The following ZFHX3 variants were observed in gnomAD, a reference collection of about 807,000 sequenced individuals.
The protein encoded by ZFHX3 is zinc finger homeobox protein 3.
In ZFHX3, 42 loss-of-function variants were observed where a neutral mutation model predicts 279.1. The observed-to-expected ratio is 0.15, with a 90% CI of 0.12 to 0.19. The LOEUF is 0.19. Ranked by LOEUF, ZFHX3 falls within the 10% of genes least tolerant of loss-of-function variation. The pLI is 1.00. For synonymous variants in ZFHX3, 2,293 were observed against 1,957.8 expected, an observed-to-expected ratio of 1.17 and a Z score of -4.52; for missense variants, 4,981 against 4,754.0, an observed-to-expected ratio of 1.05 and a Z score of -1.40.
rs111356459 is a variant in ZFHX3 at position 72,968,866 on chromosome 16, G to A, written c.-49-8672C>T. Among the ~76,000 whole-genome samples the A allele has an allele frequency of 3.0e-3, 459 of 152,176 alleles. 5 individuals carry two copies. Among genetic ancestry groups the A allele is most frequent in the African/African-American group, 8.0e-3 (331 of 41,500 alleles). ...TAGAGGTGAAGGGGCACAATGCCTC[G>A]ATTTTCAAATGGGTTAGGAAAAAAT... On this transcript the variant is annotated intron_variant, in intron 1 of 9. Coordinates refer to ENST00000268489, the MANE Select transcript of ZFHX3 (RefSeq NM_006885.4).
At chr16:72,789,377 A>G (rs1205960691) in intron 9 of ZFHX3, 1 of 152,626 alleles carries the variant, frequency 6.6e-6, no homozygotes, top group Non-Finnish European at 1.5e-5. Context: ...GCCCAACTGC[A>G]ATTAGTCTAG....
intron 3 of ZFHX3, among the ~76,000 whole-genome samples, chr16:72,920,192 T>C (rs1482123601): frequency 6.6e-6 from 1 of 151,914 alleles, no homozygotes; most frequent in Non-Finnish European, 1.5e-5. Context: ...TAAAAAAAAA[T>C]AACCAAAATA....
rs907917146 is a variant in ZFHX3 at position 73,847,170 on chromosome 16, G to A, written c.-1608+44481C>T. Among the ~76,000 whole-genome samples, 10 of 152,122 alleles carry A rather than the reference G, an allele frequency of 6.6e-5. 1 individual carries two copies. The highest frequency in any genetic ancestry group is 1.9e-4 in the East Asian group (1 of 5,172). ...TACAAAATTAGCCAGGCATGGAGGCGCAGGCCTGCAATCGCAGCTACTCAG... is the reference window on the plus strand; with the variant it reads ...TACAAAATTAGCCAGGCATGGAGGCACAGGCCTGCAATCGCAGCTACTCAG... On this transcript the variant is annotated intron_variant, in intron 1 of 17. Coordinates refer to the ZFHX3 transcript ENST00000641206.
intron 2 of ZFHX3, among the ~76,000 whole-genome samples, chr16:73,626,058 G>A (rs890749914): frequency 1.3e-5 from 2 of 152,054 alleles, no homozygotes; most frequent in East Asian, 3.9e-4. Context: ...GGGTTTCATC[G>A]TGTTAGCCAG....
chr16:72,830,347 G>A (rs917147101), intron 4 of ZFHX3, among the ~76,000 whole-genome samples: 1 of 152,200 alleles, frequency 6.6e-6, no homozygotes, highest in African/African-American at 2.4e-5. Flanking sequence ...CTATGCATGT[G>A]CCAGAGTGTG....
chr16:73,154,557 C>T (rs571350423), intron 5 of ZFHX3, among the ~76,000 whole-genome samples: 1 of 152,266 alleles, frequency 6.6e-6, no homozygotes, highest in East Asian at 1.9e-4. Context: ...GCTTTTCTTG[C>T]AGCCCAGGAT....
intron 5 of ZFHX3, among the ~76,000 whole-genome samples, chr16:73,217,400 T>A (rs1490424471): frequency 6.6e-6 from 1 of 151,986 alleles, no homozygotes; most frequent in African/African-American, 2.4e-5. Context: ...AAAATCTGAG[T>A]CAAATAAGGA....
chr16:73,734,552 C>T (rs907417067), intron 1 of ZFHX3, among the ~76,000 whole-genome samples: 4 of 151,786 alleles, frequency 2.6e-5, no homozygotes, highest in Non-Finnish European at 5.9e-5. Flanking sequence ...TATAAAAAAA[C>T]AGAATTGATG....
At chr16:73,245,767 G>A (rs766527109) in intron 5 of ZFHX3, among the ~76,000 whole-genome samples, 6 of 152,160 alleles carry the variant, frequency 3.9e-5, no homozygotes, top group Non-Finnish European at 8.8e-5. Flanking sequence ...TTCTTGAGGT[G>A]AGCAGAGAGG....
chr16:72,897,473 T>C (rs2038927128), intron 3 of ZFHX3, among the ~76,000 whole-genome samples: 1 of 152,114 alleles, frequency 6.6e-6, no homozygotes, highest in African/African-American at 2.4e-5. Context: ...AGGGTCTCAC[T>C]CTATCATCCA....
chr16:73,694,638 G>A (rs1412323053), intron 1 of ZFHX3, among the ~76,000 whole-genome samples: 1 of 152,110 alleles, frequency 6.6e-6, no homozygotes, highest in Non-Finnish European at 1.5e-5. Flanking sequence ...CACTGTGCCT[G>A]GCCAAAAATT....
At chr16:72,969,130 AC>A (rs1284883362) in intron 1 of ZFHX3, among the ~76,000 whole-genome samples, 1 of 152,048 alleles carries the variant, frequency 6.6e-6, no homozygotes, top group African/African-American at 2.4e-5. Flanking sequence ...CGACATAGTA[AC>A]CCCCCAAAAC....
chr16:72,888,069 G>T (rs993984329), intron 4 of ZFHX3, among the ~76,000 whole-genome samples: 1 of 152,152 alleles, frequency 6.6e-6, no homozygotes, highest in Non-Finnish European at 1.5e-5. Flanking sequence ...AACAGTCGTA[G>T]AAGTATGAGA....
intron 5 of ZFHX3, among the ~76,000 whole-genome samples, chr16:72,815,072 G>A (rs762888900): frequency 1.3e-5 from 2 of 152,070 alleles, no homozygotes; most frequent in Admixed American, 6.6e-5. Context: ...TCAAGACATC[G>A]TACCAAAGTC....
At chr16:73,277,091 G>T (rs1336013836) in intron 4 of ZFHX3, among the ~76,000 whole-genome samples, 2 of 152,196 alleles carry the variant, frequency 1.3e-5, no homozygotes, top group Admixed American at 1.3e-4. Flanking sequence ...AGATCCTTAA[G>T]AGGAGTGATT....
intron 2 of ZFHX3, among the ~76,000 whole-genome samples, chr16:73,480,847 T>G (rs2143625091): frequency 6.6e-6 from 1 of 152,252 alleles, no homozygotes; most frequent in South Asian, 2.1e-4. Flanking sequence ...TATAAATATA[T>G]AAATATTTTA....
At position 72,812,580 on chromosome 16, in the gene ZFHX3, G is replaced by C. The variant is rs1015144288; in HGVS notation, c.3530-542C>G. 3.3e-5 allele frequency among the ~76,000 whole-genome samples: 5 copies of C among 152,150 alleles called. No individual in the cohort carries two copies. In the South Asian group the frequency reaches 6.2e-4, roughly 19 times the overall value. On this transcript the variant is annotated intron_variant, in intron 5 of 9. Coordinates refer to ENST00000268489, the MANE Select transcript of ZFHX3 (RefSeq NM_006885.4). ...TGAGTATCAGCACACCAAATATGTG[G>C]GGGAAAAAAATCAAGTTTGGGTTCA...
intron 3 of ZFHX3, among the ~76,000 whole-genome samples, chr16:73,430,172 G>A (rs991509234): frequency 5.3e-5 from 8 of 152,014 alleles, no homozygotes; most frequent in Non-Finnish European, 1.0e-4. Context: ...TTACAGGCAC[G>A]GGTCACCCTG....
intron 2 of ZFHX3, among the ~76,000 whole-genome samples, chr16:73,610,410 T>G (rs541561625): frequency 3.2e-4 from 48 of 152,288 alleles, no homozygotes; most frequent in African/African-American, 1.1e-3. Flanking sequence ...GGCATGTTTG[T>G]TCCCAAGCTA....
Sources: gnomAD v4.1 joint callset for allele counts (sites outside exome capture counted in the v4.1 genomes callset) on GRCh38, gnomAD v4.1.1 for gene constraint, MANE v1.5 for transcripts, NCBI Gene and HGNC (gene_info 2026-07-23, HGNC 2026-07-21) for gene names.